Variants in KAZN observed in about 807,000 individuals in gnomAD.
KAZN encodes the protein kazrin.
Under a neutral mutation model 87.4 loss-of-function variants are expected in KAZN, and 40 were observed. The observed-to-expected ratio is 0.46, with a 90% CI of 0.36 to 0.60. KAZN has a LOEUF of 0.60. Among genes scored for constraint, KAZN ranks in the 20% least tolerant of loss-of-function variants. The pLI is 0.00. For missense variants in KAZN, 898 were observed against 1,073.9 expected, an observed-to-expected ratio of 0.84 and a Z score of 2.29; for synonymous variants, 466 against 458.3, an observed-to-expected ratio of 1.02 and a Z score of -0.22.
At chr1:14,510,432 T>C (rs949833047) in intron 2 of KAZN, among the ~76,000 whole-genome samples, 1 of 150,616 alleles carries the variant, frequency 6.6e-6, no homozygotes, top group Admixed American at 6.6e-5. Context: ...AGCAACAAAA[T>C]CTTTTTTGTA....
At chr1:14,258,744 C>G (rs1028277836) in intron 2 of KAZN, among the ~76,000 whole-genome samples, 1 of 152,186 alleles carries the variant, frequency 6.6e-6, no homozygotes, top group Admixed American at 6.5e-5. Flanking sequence ...TGCCTGCTAC[C>G]TGTCTGTCAA....
intron 1 of KAZN, among the ~76,000 whole-genome samples, chr1:13,959,703 A>G (rs1259575166): frequency 2.0e-5 from 3 of 151,972 alleles, no homozygotes; most frequent in African/African-American, 7.3e-5. Flanking sequence ...AGGAAACCTC[A>G]CCTGACCAGG....
chr1:14,286,734 C>T (rs1653282573), intron 2 of KAZN, among the ~76,000 whole-genome samples: 2 of 151,944 alleles, frequency 1.3e-5, no homozygotes, highest in African/African-American at 2.4e-5. Flanking sequence ...CCCAGGTAGC[C>T]CAAATTCTTG....
chr1:14,337,654 A>G (rs703800), intron 2 of KAZN, among the ~76,000 whole-genome samples: 22,879 of 152,086 alleles, frequency 0.15, 2,021 homozygotes, highest in East Asian at 0.36. Flanking sequence ...TCAGCACTGG[A>G]AGGCCGATGT....
chr1:14,953,972 T>C (rs190119785), intron 1 of KAZN, among the ~76,000 whole-genome samples: 46 of 152,334 alleles, frequency 3.0e-4, no homozygotes, highest in Admixed American at 3.0e-3. Flanking sequence ...GTGGGACTCA[T>C]TGCTTTTGCA....
intron 2 of KAZN, among the ~76,000 whole-genome samples, chr1:14,458,658 T>A (rs1478672056): frequency 6.6e-6 from 1 of 152,200 alleles, no homozygotes; most frequent in Non-Finnish European, 1.5e-5. Flanking sequence ...TAAAAACTTC[T>A]GTTCAAACAT....
At chr1:15,018,896 G>A (rs981403773) in intron 2 of KAZN, among the ~76,000 whole-genome samples, 10 of 152,200 alleles carry the variant, frequency 6.6e-5, no homozygotes, top group African/African-American at 2.4e-4. Flanking sequence ...CTCATCTTCA[G>A]ATATCGTTTC....
chr1:14,198,419 G>A (rs1271633769), intron 2 of KAZN, among the ~76,000 whole-genome samples: 2 of 152,116 alleles, frequency 1.3e-5, no homozygotes, highest in Non-Finnish European at 2.9e-5. Context: ...GGCTGACATG[G>A]CAAAACCCCA....
chr1:14,042,518 T>C (rs986436513), intron 1 of KAZN, among the ~76,000 whole-genome samples: 1 of 152,240 alleles, frequency 6.6e-6, no homozygotes, highest in Non-Finnish European at 1.5e-5. Flanking sequence ...ATTGTCTCCC[T>C]CTGCCAGAAC....
chr1:14,858,771 T>C (rs1483692303), intron 1 of KAZN, among the ~76,000 whole-genome samples: 1 of 152,206 alleles, frequency 6.6e-6, no homozygotes, highest in African/African-American at 2.4e-5. Context: ...TGCACTCTTA[T>C]TCCACTGGCT....
chr1:14,469,772 G>A (rs983327977), intron 2 of KAZN, among the ~76,000 whole-genome samples: 16 of 152,136 alleles, frequency 1.1e-4, no homozygotes, highest in African/African-American at 3.9e-4. Context: ...CATTAATGAT[G>A]GGTTGTTCAA....
chr1:14,300,811 G>C (rs747922944), intron 2 of KAZN, among the ~76,000 whole-genome samples: 1 of 152,140 alleles, frequency 6.6e-6, no homozygotes, highest in Non-Finnish European at 1.5e-5. Context: ...TCAGTTTGGC[G>C]TATCATCAGA....
chr1:13,990,196 A>G (rs930403780), intron 1 of KAZN, among the ~76,000 whole-genome samples: 13 of 152,308 alleles, frequency 8.5e-5, no homozygotes, highest in African/African-American at 2.9e-4. Flanking sequence ...AGAAATGAAA[A>G]CACACATCTA....
At chr1:15,001,739 A>C (rs1044989808) in intron 2 of KAZN, among the ~76,000 whole-genome samples, 2 of 152,114 alleles carry the variant, frequency 1.3e-5, no homozygotes, top group African/African-American at 2.4e-5. Context: ...ACCCAGAGGC[A>C]GTGTGTTCCC....
At chr1:14,221,667 G>A (rs1647101403) in intron 2 of KAZN, among the ~76,000 whole-genome samples, 1 of 151,990 alleles carries the variant, frequency 6.6e-6, no homozygotes, top group Admixed American at 6.6e-5. Flanking sequence ...ATACCAACAA[G>A]GCTATAATCA....
chr1:14,955,835 G>A (rs1663026127), intron 1 of KAZN, among the ~76,000 whole-genome samples: 1 of 152,214 alleles, frequency 6.6e-6, no homozygotes. Flanking sequence ...CCTCCCTCCT[G>A]TGCAGTGCTC....
chr1:14,436,891 C>T (rs183519541), intron 2 of KAZN, among the ~76,000 whole-genome samples: 2 of 152,094 alleles, frequency 1.3e-5, no homozygotes, highest in African/African-American at 4.8e-5. Context: ...GATTCCAAAG[C>T]CTTCTTCTCA....
intron 2 of KAZN, among the ~76,000 whole-genome samples, chr1:14,345,605 G>A (rs1022249698): frequency 1.3e-5 from 2 of 152,124 alleles, no homozygotes; most frequent in African/African-American, 2.4e-5. Context: ...GTGCACACCA[G>A]CCCCATTTCA....
intron 2 of KAZN, among the ~76,000 whole-genome samples, chr1:14,371,501 TA>T (rs1660480261): frequency 6.6e-6 from 1 of 152,104 alleles, no homozygotes; most frequent in Non-Finnish European, 1.5e-5. Context: ...TAGCAAGGGC[TA>T]AATTGGAAAA....
Sources: allele counts gnomAD v4.1 joint callset (sites outside exome capture counted in the v4.1 genomes callset), GRCh38; gene constraint gnomAD v4.1.1; transcripts MANE v1.5; gene names NCBI Gene and HGNC (gene_info 2026-07-23, HGNC 2026-07-21).